KCNAB1: variants seen among roughly 807,000 people sequenced by gnomAD.
KCNAB1 encodes voltage-gated potassium channel subunit beta-1.
Under a neutral mutation model 64.6 loss-of-function variants are expected in KCNAB1, and 35 were observed. That is an observed-to-expected ratio of 0.54 (90% CI 0.41 to 0.72). The LOEUF (loss-of-function observed/expected upper bound fraction) is 0.72, where lower values mean the gene tolerates loss of function less well. Ranked by LOEUF, KCNAB1 falls within the 30% of genes least tolerant of loss-of-function variation. The pLI is 0.00. For missense variants in KCNAB1, 401 were observed against 512.9 expected, an observed-to-expected ratio of 0.78 and a Z score of 2.11; for synonymous variants, 177 against 183.8, an observed-to-expected ratio of 0.96 and a Z score of 0.30.
At chr3:156,375,109 G>C (rs964077462) in intron 1 of KCNAB1, among the ~76,000 whole-genome samples, 1 of 135,830 alleles carries the variant, frequency 7.4e-6, no homozygotes, top group Admixed American at 6.9e-5. Flanking sequence ...ACAATGCCTT[G>C]CATTAGACTG....
At chr3:156,289,460 C>T (rs991507895) in intron 1 of KCNAB1, among the ~76,000 whole-genome samples, 11 of 152,090 alleles carry the variant, frequency 7.2e-5, no homozygotes, top group Admixed American at 5.2e-4. Context: ...TCTGATGAGC[C>T]GGCTGAGTGT....
At chr3:156,177,761 G>A (rs553199860) in intron 1 of KCNAB1, among the ~76,000 whole-genome samples, 3 of 152,076 alleles carry the variant, frequency 2.0e-5, no homozygotes, top group South Asian at 4.2e-4. Context: ...CTTCTTTTGC[G>A]ACAGAGTCTC....
At chr3:156,454,607 A>C (rs984952466) in intron 3 of KCNAB1, among the ~76,000 whole-genome samples, 2 of 152,136 alleles carry the variant, frequency 1.3e-5, no homozygotes, top group African/African-American at 4.8e-5. Flanking sequence ...TCTGACTGGC[A>C]CCAGGAAGGG....
At chr3:156,172,920 C>T (rs1298625318) in intron 1 of KCNAB1, among the ~76,000 whole-genome samples, 1 of 152,206 alleles carries the variant, frequency 6.6e-6, no homozygotes, top group Non-Finnish European at 1.5e-5. Flanking sequence ...TTTGCTAACA[C>T]CTCTGGATGT....
At position 156,536,789 on chromosome 3, in the gene KCNAB1, G is replaced by A; in HGVS notation, c.*42G>A. 5 of 1,368,336 alleles carry A rather than the reference G, an allele frequency of 3.7e-6. No individual in the cohort carries two copies. The highest frequency in any genetic ancestry group is 1.2e-5 in the South Asian group (1 of 86,356). 84.8% of individuals were successfully genotyped at this position (1,368,336 alleles called of 1,614,324 possible). On this transcript the variant is annotated 3_prime_UTR_variant, in exon 14 of 14. Coordinates refer to ENST00000490337, the MANE Select transcript of KCNAB1 (RefSeq NM_172160.3). ...CAGAAGCTGCATGGTTAAAATAGCG[G>A]CCTGTGCCCAGTACAGAAAGGTGTT...
intron 1 of KCNAB1, among the ~76,000 whole-genome samples, chr3:156,276,736 T>C (rs1165918238): frequency 6.6e-6 from 1 of 152,168 alleles, no homozygotes; most frequent in Non-Finnish European, 1.5e-5. Flanking sequence ...TCTCTTAGCC[T>C]TTTGAATTGA....
In KCNAB1 at chr3:156,120,804, G is replaced by T; in HGVS notation, c.193G>T (p.Glu65Ter). ...LRARQLALLREVEMNWYLKLC... is the reference protein window; with the variant it reads ...LRARQLALLR The stretch of plus-strand genomic sequence containing the variant: ...GGCGCGTCAACTGGCTCTGCTGCGC[G>T]AAGTGGAGATGAACTGGTACCTAAA... Residue 65 changes from glutamate to a stop codon, truncating the protein, a stop_gained, in exon 1 of 14, where the codon GAA (glutamate) becomes TAA (stop). Transcript: ENST00000490337. LOFTEE classifies it high-confidence loss of function. 2 of 1,614,254 alleles carry T rather than the reference G, an allele frequency of 1.2e-6. No homozygotes were observed. Among genetic ancestry groups the T allele is most frequent in the Non-Finnish European group, 1.7e-6 (2 of 1,180,052 alleles).
At chr3:156,515,670 C>G (rs1007302613) in intron 10 of KCNAB1, among the ~76,000 whole-genome samples, 1 of 152,148 alleles carries the variant, frequency 6.6e-6, no homozygotes, top group African/African-American at 2.4e-5. Context: ...GGGTACTATA[C>G]ATTTGTGCAG....
chr3:156,118,982 G>A (rs1560094996), upstream of KCNAB1, among the ~76,000 whole-genome samples: 1 of 152,226 alleles, frequency 6.6e-6, no homozygotes, highest in Non-Finnish European at 1.5e-5. Context: ...AGATGGGACT[G>A]ACCCTGCTAG....
At chr3:156,424,252 C>T (rs1404235477) in intron 2 of KCNAB1, among the ~76,000 whole-genome samples, 2 of 152,138 alleles carry the variant, frequency 1.3e-5, no homozygotes, top group African/African-American at 4.8e-5. Flanking sequence ...GCAACTACAA[C>T]ATGAGGGTCC....
intron 11 of KCNAB1, among the ~76,000 whole-genome samples, chr3:156,518,329 G>A (rs1717691301): frequency 6.6e-6 from 1 of 152,066 alleles, no homozygotes; most frequent in South Asian, 2.1e-4. Flanking sequence ...CAATCTGAGT[G>A]TTTTCGGAGT....
At position 156,538,600 on chromosome 3, in the gene KCNAB1, A is replaced by G. The variant is rs747137782; in HGVS notation, c.*1853A>G. The G allele has an allele frequency of 2.0e-5, 3 of 152,270 alleles. No individual in the cohort carries two copies. Among genetic ancestry groups the G allele is most frequent in the Non-Finnish European group, 4.4e-5 (3 of 68,050 alleles). 9.4% of individuals were successfully genotyped at this position (152,270 alleles called of 1,614,324 possible). On this transcript the variant is annotated 3_prime_UTR_variant, in exon 14 of 14. Transcript: ENST00000490337. ...GTAATAAAAGCATTTTGTGCATTCA[A>G]TCTTACAATAGATTTTATCTGATCT...
rs756745700 is a variant in KCNAB1 at position 156,452,933 on chromosome 3, T to A, written c.354T>A (p.Asp118Glu). ...TWVTFGGQISDEVAERLMTIA... is the reference protein window; with the variant it reads ...TWVTFGGQISEEVAERLMTIA... ...TGACATTTGGAGGTCAAATTTCAGA[T>A]GAGGTAAGTTACCTTTGGCCTCTAT... The change falls in exon 3 of 14, where the codon GAT becomes GAA. Residue 118 changes from aspartate to glutamate, a missense_variant. Asp to Glu is a conservative substitution (Grantham distance 45). Transcript: ENST00000490337. This position sits in a 1 kb window ranked among gnomAD's most constrained non-coding sequence, Gnocchi z 4.6. The A allele has an allele frequency of 1.4e-5, 22 of 1,604,756 alleles. No individual in the cohort carries two copies. The highest frequency in any genetic ancestry group is 6.7e-5 in the Admixed American group (4 of 59,626).
chr3:156,209,988 T>G (rs1382061088), intron 1 of KCNAB1, among the ~76,000 whole-genome samples: 1 of 152,218 alleles, frequency 6.6e-6, no homozygotes, highest in African/African-American at 2.4e-5. Flanking sequence ...TGATATTAAT[T>G]TAAAACTACT....
intron 2 of KCNAB1, among the ~76,000 whole-genome samples, chr3:156,451,576 G>C (rs1472499819): frequency 1.5e-5 from 2 of 130,596 alleles, no homozygotes; most frequent in East Asian, 4.0e-4. Flanking sequence ...CTGGCATTTG[G>C]AAAGTGTTCT....
intron 1 of KCNAB1, among the ~76,000 whole-genome samples, chr3:156,258,913 C>T (rs1718265272): frequency 6.6e-6 from 1 of 152,196 alleles, no homozygotes; most frequent in Non-Finnish European, 1.5e-5. Flanking sequence ...AATGGCAAAT[C>T]CCCCTCTGCA....
At chr3:156,466,814 C>T (rs559930488) in intron 7 of KCNAB1, among the ~76,000 whole-genome samples, 8 of 151,972 alleles carry the variant, frequency 5.3e-5, no homozygotes, top group Non-Finnish European at 8.8e-5. Flanking sequence ...TCTACTTAAT[C>T]GTGAAGATTG....
intron 12 of KCNAB1, among the ~76,000 whole-genome samples, chr3:156,526,451 T>C (rs1435960626): frequency 3.3e-5 from 5 of 152,240 alleles, no homozygotes; most frequent in African/African-American, 1.2e-4. Context: ...CAACATGTAA[T>C]AAATATTAAA....
intron 1 of KCNAB1, among the ~76,000 whole-genome samples, chr3:156,208,525 A>T (rs1714803070): frequency 6.6e-6 from 1 of 152,208 alleles, no homozygotes; most frequent in African/African-American, 2.4e-5. Flanking sequence ...CCTCTGAGTC[A>T]CTAACAGACT....
Sources: gnomAD v4.1 joint callset for allele counts (sites outside exome capture counted in the v4.1 genomes callset) on GRCh38, gnomAD v4.1.1 for gene constraint, Gnocchi (gnomAD v3.1) non-coding constraint, MANE v1.5 for transcripts, NCBI Gene and HGNC (gene_info 2026-07-23, HGNC 2026-07-21) for gene names.